Variants in RPAP1 observed in about 807,000 individuals in gnomAD.
The protein encoded by RPAP1 is RNA polymerase II associated protein 1, also known as RNA polymerase II-associated protein 1.
In RPAP1, 109 loss-of-function variants were observed where a neutral mutation model predicts 142.4. The ratio of observed to expected loss-of-function variants is 0.77; its 90% CI spans 0.66 to 0.90. The LOEUF (loss-of-function observed/expected upper bound fraction) is 0.90. Among genes scored for constraint, RPAP1 ranks in the 40% least tolerant of loss-of-function variants. The probability of loss-of-function intolerance (pLI) is 0.00; values close to 1 mark genes in which losing one functional copy is unlikely to be tolerated. For missense variants in RPAP1, 1,546 were observed against 1,751.7 expected (o/e 0.88, Z 2.10); for synonymous variants, 704 against 738.9 (o/e 0.95, Z 0.77).
chr15:41,543,744 T>G (rs994496057), intron 1 of RPAP1, among the ~76,000 whole-genome samples: 1 of 152,156 alleles, frequency 6.6e-6, no homozygotes, highest in Non-Finnish European at 1.5e-5. Flanking sequence ...GTGCTAGAAG[T>G]GATAACATTT....
At chr15:41,540,299 C>G (rs2140792617) in intron 1 of RPAP1, among the ~76,000 whole-genome samples, 1 of 109,358 alleles carries the variant, frequency 9.1e-6, no homozygotes, top group South Asian at 4.0e-4. Context: ...AGGTAGGTTA[C>G]TACTATTTTT....
intron 17 of RPAP1, 62 bp from the exon 18 acceptor site, chr15:41,523,416 T>G: frequency 9.1e-7 from 1 of 1,101,288 alleles, no homozygotes; most frequent in Non-Finnish European, 1.3e-6. Context: ...AGACCCTGTG[T>G]ACCCAGGCCA....
chr15:41,520,964 C>G lies in RPAP1; in HGVS notation c.3222G>C (p.Gln1074His). The G allele has an allele frequency of 6.2e-7, 1 of 1,610,136 alleles. No individual in the cohort carries two copies. The highest frequency in any genetic ancestry group is 1.7e-4 in the Middle Eastern group (1 of 6,042). The change falls in exon 22 of 25, where the codon CAG becomes CAC. Residue 1074 changes from glutamine to histidine, a missense_variant. Around this residue, in one of 3 missense-constraint regions of RPAP1, gnomAD observed 1,333 missense variants for 1,486.6 expected, o/e 0.90. Transcript: ENST00000304330. The stretch of plus-strand genomic sequence containing the variant: ...GCTGTAGCTCCCCTCGGTGCAGAGC[C>G]TGGGAGGCCAGCAGACTGGCTCGGG... ...SPARASLLASQALHRGELQRV... is the reference protein window; with the variant it reads ...SPARASLLASHALHRGELQRV...
intron 19 of RPAP1, 67 bp from the exon 20 acceptor site, chr15:41,522,317 G>A: frequency 6.7e-7 from 1 of 1,485,916 alleles, no homozygotes; most frequent in Non-Finnish European, 9.1e-7. Flanking sequence ...TCCCCAGGTG[G>A]CTGCCCCTCT....
chr15:41,537,808 G>A (rs1403558332), intron 1 of RPAP1, among the ~76,000 whole-genome samples: 1 of 151,632 alleles, frequency 6.6e-6, no homozygotes, highest in South Asian at 2.1e-4. Flanking sequence ...GCTTGAACCT[G>A]GGAGATGGAG....
intron 1 of RPAP1, among the ~76,000 whole-genome samples, chr15:41,541,630 G>A (rs2051973035): frequency 6.6e-6 from 1 of 152,072 alleles, no homozygotes. Context: ...GGCAGATCAC[G>A]AGGTCAGAAG....
At chr15:41,522,016 C>T in intron 20 of RPAP1, 82 bp downstream of exon 20, 1 of 1,576,826 alleles carries the variant, frequency 6.3e-7, no homozygotes, top group Non-Finnish European at 8.7e-7. Flanking sequence ...GCTGCATGGC[C>T]TGGCAGAAGC....
intron 23 of RPAP1, 42 bp from the exon 24 acceptor site, chr15:41,517,899 G>A: frequency 6.2e-7 from 1 of 1,613,748 alleles, no homozygotes; most frequent in Non-Finnish European, 8.5e-7. Context: ...GCCGAGGGCT[G>A]GTACCCACCA....
chr15:41,527,155 CT>C lies in RPAP1; in HGVS notation c.1746+11del. The C allele has an allele frequency of 1.9e-6, 3 of 1,614,102 alleles. No individual in the cohort carries two copies. Among genetic ancestry groups the C allele is most frequent in the Non-Finnish European group, 2.5e-6 (3 of 1,179,956 alleles). ...AGGCTTTTTGCCCATTCCCTGCTCC[CT>C]TTTTTCTCACCCTTGTGGCTGATTC... On this transcript the variant is annotated intron_variant, in intron 13 of 24. Transcript: ENST00000304330.
chr15:41,536,762 T>C (rs2051913840), intron 2 of RPAP1, 113 bp from the exon 3 acceptor site: 1 of 1,448,066 alleles, frequency 6.9e-7, no homozygotes, highest in African/African-American at 1.4e-5. Flanking sequence ...TGTGTCATCT[T>C]GGGTAAGATA....
chr15:41,532,478 C>G (rs4420509), intron 6 of RPAP1, among the ~76,000 whole-genome samples: 81,222 of 151,900 alleles, frequency 0.53, 22,304 homozygotes, highest in African/African-American at 0.67. Flanking sequence ...ACGTATTATA[C>G]TCTATAGAGG....
At position 41,518,147 on chromosome 15, in the gene RPAP1, A is replaced by C. The variant is rs1173655675; in HGVS notation, c.3831T>G (p.Pro1277=). The C allele has an allele frequency of 6.3e-7, 1 of 1,591,682 alleles. No individual in the cohort carries two copies. Among genetic ancestry groups the C allele is most frequent in the Non-Finnish European group, 8.5e-7 (1 of 1,173,622 alleles). ...GCTGAAGGAGGGCCAGGTTGTCTTC[A>C]GGAGGCACTGTGTAACACTCCAGGG... ...PVSLECYTVP[P]EDNLALLQLY... The change falls in exon 23 of 25, where the codon CCT becomes CCG. Residue 1277 remains proline (P), a synonymous_variant. Transcript: ENST00000304330.
chr15:41,540,871 T>C (rs1490782718), intron 1 of RPAP1, among the ~76,000 whole-genome samples: 2 of 152,206 alleles, frequency 1.3e-5, no homozygotes, highest in African/African-American at 2.4e-5. Context: ...ATAGGGACTA[T>C]TGATCTTTAT....
intron 22 of RPAP1, chr15:41,519,574 GACTTC>G (rs1419426016): frequency 6.6e-6 from 1 of 152,112 alleles, no homozygotes; most frequent in Non-Finnish European, 1.5e-5. Flanking sequence ...GGCCCTCTCA[GACTTC>G]ACTTCTTATT....
Position 41,518,167 on chromosome 15 carries a change from C to G in RPAP1, c.3811G>C (p.Glu1271Gln). Residue 1271 changes from glutamate to glutamine, a missense_variant, in exon 23 of 25, where the codon GAG becomes CAG. Transcript: ENST00000304330. Reference protein sequence around the residue: ...LPLTQLPVSLECYTVPPEDNL... With the variant: ...LPLTQLPVSLQCYTVPPEDNL... ...TCTTCAGGAGGCACTGTGTAACACT[C>G]CAGGGACACAGGCAACTGTGACAGG... 6.4e-7 allele frequency: 1 copy of G among 1,569,386 alleles called. No individual in the cohort carries two copies. The highest frequency in any genetic ancestry group is 2.2e-5 in the East Asian group (1 of 44,492).
chr15:41,541,662 A>G (rs1173863286), intron 1 of RPAP1, among the ~76,000 whole-genome samples: 1 of 152,046 alleles, frequency 6.6e-6, no homozygotes, highest in African/African-American at 2.4e-5. Context: ...CCTGGCTAAC[A>G]CGGTGAAATG....
chr15:41,531,672 G>A (rs1239535238), intron 6 of RPAP1, among the ~76,000 whole-genome samples: 2 of 127,718 alleles, frequency 1.6e-5, no homozygotes, highest in Non-Finnish European at 3.2e-5. Flanking sequence ...ACGGAATCTC[G>A]CTGTGTCGCC....
rs557505286 is a variant in RPAP1 at position 41,529,920 on chromosome 15, C to T, written c.1003G>A (p.Glu335Lys). The change falls in exon 8 of 25, where the codon GAG becomes AAG. Residue 335 changes from glutamate to lysine, a missense_variant. Coordinates refer to ENST00000304330, the MANE Select transcript of RPAP1 (RefSeq NM_015540.4). ...AAGTCCTGGGTCCAGTGGAGCTTCT[C>T]CAGCTCGACAGTGTCCATGTGCAGC... The part of the protein sequence containing the change: ...EWLHMDTVEL[E>K]KLHWTQDLPP... 3.7e-6 allele frequency: 6 copies of T among 1,613,928 alleles called. No individual in the cohort carries two copies. In the South Asian group the frequency reaches 5.5e-5, roughly 15 times the overall value.
intron 14 of RPAP1, among the ~76,000 whole-genome samples, 191 bp downstream of exon 14, chr15:41,526,707 C>A (rs192193431): frequency 5.3e-5 from 8 of 152,338 alleles, no homozygotes; most frequent in Non-Finnish European, 1.5e-5. Context: ...CTATATGATG[C>A]ACCAGGCTCC....
Sources: gnomAD v4.1 joint callset for allele counts (sites outside exome capture counted in the v4.1 genomes callset) on GRCh38, gnomAD v4.1.1 for gene constraint, gnomAD v4.1.1 regional missense constraint, MANE v1.5 for transcripts, NCBI Gene and HGNC (gene_info 2026-07-23, HGNC 2026-07-21) for gene names.